Variants in HNRNPLL observed in about 807,000 individuals in gnomAD.
The protein encoded by HNRNPLL is heterogeneous nuclear ribonucleoprotein L like, also known as heterogeneous nuclear ribonucleoprotein L-like.
In HNRNPLL, 25 loss-of-function variants were observed where a neutral mutation model predicts 67.1. That is an observed-to-expected ratio of 0.37 (90% CI 0.27 to 0.52). HNRNPLL has a LOEUF of 0.52. Ranked by LOEUF, HNRNPLL falls within the 20% of genes least tolerant of loss-of-function variation. HNRNPLL has a pLI of 0.90. For synonymous variants in HNRNPLL, 267 were observed against 241.7 expected (o/e 1.10, Z -0.97); for missense variants, 542 against 673.9 (o/e 0.80, Z 2.17).
At chr2:38,601,439 A>G (rs765650434) in intron 1 of HNRNPLL, among the ~76,000 whole-genome samples, 5 of 152,360 alleles carry the variant, frequency 3.3e-5, no homozygotes, top group Non-Finnish European at 5.9e-5. Context: ...TAAAGTTTGC[A>G]GAATTAATCA....
intron 6 of HNRNPLL, chr2:38,581,406 T>C (rs1464730904): frequency 6.3e-6 from 1 of 158,574 alleles, no homozygotes; most frequent in Non-Finnish European, 1.4e-5. Context: ...AAACTTGGGG[T>C]GATGGTGCAT....
chr2:38,599,975 T>C, intron 1 of HNRNPLL: 1 of 459,644 alleles, frequency 2.2e-6, no homozygotes, highest in Non-Finnish European at 4.5e-6. Flanking sequence ...TGCAAAACCC[T>C]TTTCGGTTAC....
At chr2:38,570,911 G>A (rs534232390) in intron 8 of HNRNPLL, among the ~76,000 whole-genome samples, 8 of 152,146 alleles carry the variant, frequency 5.3e-5, no homozygotes, top group Non-Finnish European at 1.2e-4. Context: ...AGCTGGGCAT[G>A]GTGGCATGCA....
intron 1 of HNRNPLL, among the ~76,000 whole-genome samples, chr2:38,599,116 G>A (rs932206429): frequency 3.3e-5 from 5 of 152,182 alleles, no homozygotes; most frequent in African/African-American, 4.8e-5. Context: ...AGTGTATCCT[G>A]AATTCAAACT....
chr2:38,583,128 T>C (rs983492515), intron 4 of HNRNPLL, among the ~76,000 whole-genome samples: 8 of 152,154 alleles, frequency 5.3e-5, no homozygotes, highest in Admixed American at 3.9e-4. Flanking sequence ...TGAGAAGGCA[T>C]AGTTTTATAA....
In HNRNPLL at chr2:38,569,321, G is replaced by A. The variant is rs768814425; in HGVS notation, c.1228C>T (p.His410Tyr). The A allele has an allele frequency of 3.1e-6, 5 of 1,610,276 alleles. No individual in the cohort carries two copies. The African/African-American group carries it at 6.7e-5, about 22-fold the overall frequency. Reference protein sequence around the residue: ...KRLNVCVSKQHSVVPSQIFEL... With the variant: ...KRLNVCVSKQYSVVPSQIFEL... The stretch of plus-strand genomic sequence containing the variant: ...AATATTTGACTTGGAACAACTGAAT[G>A]TTGTTTAGACACGCTAAAGATTGTA... Residue 410 changes from histidine (H) to tyrosine (Y), a missense_variant, in exon 10 of 13, where the codon CAT becomes TAT. By Grantham distance (83) the His-to-Tyr change is moderately conservative (BLOSUM62 2). Around this residue, in one of 2 missense-constraint regions of HNRNPLL, gnomAD observed 415 missense variants for 575.2 expected, o/e 0.72. Coordinates refer to ENST00000449105, the MANE Select transcript of HNRNPLL (RefSeq NM_138394.4).
Position 38,583,890 on chromosome 2 carries a change from CT to C in HNRNPLL, c.582del (p.Val195CysfsTer43). ...VLYTVCNPVGKVQRIVIFKRN... is the reference protein window; with the variant it reads ...VLYTVCNPVGXVQRIVIFKRN... ...CTCTTGAATATAACAATACGTTGCACTTTGCCAACAGGGTTGCATACAGTAT... is the reference window on the plus strand; with the variant it reads ...CTCTTGAATATAACAATACGTTGCACTTGCCAACAGGGTTGCATACAGTAT... On this transcript the variant is annotated frameshift_variant, in exon 4 of 13. Transcript: ENST00000449105. LOFTEE classifies it high-confidence loss of function. 1 of 1,574,470 alleles carries C rather than the reference CT, an allele frequency of 6.4e-7. No individual in the cohort carries two copies.
chr2:38,587,328 T>A (rs1666773737), intron 2 of HNRNPLL, among the ~76,000 whole-genome samples: 1 of 152,228 alleles, frequency 6.6e-6, no homozygotes, highest in Non-Finnish European at 1.5e-5. Flanking sequence ...TTGCACATTG[T>A]ACACCCTCAA....
chr2:38,582,032 A>G, intron 5 of HNRNPLL, 40 bp downstream of exon 5: 1 of 1,599,702 alleles, frequency 6.3e-7, no homozygotes, highest in Non-Finnish European at 8.6e-7. Context: ...TATCCAAAGC[A>G]TAAATATTTC....
chr2:38,584,129 A>G (rs572050147), intron 3 of HNRNPLL, among the ~76,000 whole-genome samples: 1 of 152,290 alleles, frequency 6.6e-6, no homozygotes, highest in African/African-American at 2.4e-5. Flanking sequence ...TGGCACGATC[A>G]CAGTTCCCTA....
Position 38,602,460 on chromosome 2 carries a change from C to CCGCCGCCGCCAT in HNRNPLL, c.155_166dup (p.Asp52_Gly55dup). 6.5e-7 allele frequency: 1 copy of CCGCCGCCGCCAT among 1,538,804 alleles called. No individual in the cohort carries two copies. Among genetic ancestry groups the CCGCCGCCGCCAT allele is most frequent in the Non-Finnish European group, 8.7e-7 (1 of 1,147,500 alleles). On this transcript the variant is annotated inframe_insertion, in exon 1 of 13. Transcript: ENST00000449105. The stretch of plus-strand genomic sequence containing the variant: ...TACCGGCTGAGAGAAGCTCCGGCCG[C>CCGCCGCCGCCAT]CGCCGCCGCCATCGCCCCCGCCCCG...
Position 38,573,140 on chromosome 2 carries a change from A to G in HNRNPLL, c.1092+70T>C, listed in dbSNP as rs900012009. ...TATTCCTGATACAAGGAGAAGACAC[A>G]TATTTGCAGCCTTTTCAGAGTTACC... On this transcript the variant is annotated intron_variant, in intron 8 of 12. Coordinates refer to ENST00000449105, the MANE Select transcript of HNRNPLL (RefSeq NM_138394.4). 2.3e-5 allele frequency: 23 copies of G among 992,044 alleles called. No homozygotes were observed. The Admixed American group carries it at 3.1e-4, about 13-fold the overall frequency. The allele number at this position is 992,044 out of a possible 1,614,324, so 61.5% of individuals were successfully genotyped here.
chr2:38,585,535 A>G, intron 3 of HNRNPLL, 109 bp downstream of exon 3: 1 of 660,494 alleles, frequency 1.5e-6, no homozygotes, highest in Non-Finnish European at 2.7e-6. Context: ...CAAAATTAAA[A>G]AAACTATTTT....
At chr2:38,595,084 G>C (rs2148383833) in intron 1 of HNRNPLL, among the ~76,000 whole-genome samples, 1 of 151,408 alleles carries the variant, frequency 6.6e-6, no homozygotes, top group East Asian at 2.0e-4. Flanking sequence ...TTTGAGACTA[G>C]CCTGGGCAAC....
At chr2:38,579,169 G>A (rs1307887889) in intron 6 of HNRNPLL, among the ~76,000 whole-genome samples, 1 of 152,050 alleles carries the variant, frequency 6.6e-6, no homozygotes, top group African/African-American at 2.4e-5. Flanking sequence ...GAACTGGGTT[G>A]GGAATCAGAC....
chr2:38,594,121 G>C (rs957604991), intron 1 of HNRNPLL, among the ~76,000 whole-genome samples: 2 of 152,040 alleles, frequency 1.3e-5, no homozygotes, highest in African/African-American at 4.8e-5. Context: ...CTTGCAGTGA[G>C]CCGAGATTGC....
At chr2:38,578,654 T>A (rs1284466013) in intron 6 of HNRNPLL, among the ~76,000 whole-genome samples, 1 of 152,086 alleles carries the variant, frequency 6.6e-6, no homozygotes, top group Non-Finnish European at 1.5e-5. Context: ...TTTTACTCAA[T>A]GTAAAAATTC....
At chr2:38,586,234 G>A (rs1239524119) in intron 2 of HNRNPLL, among the ~76,000 whole-genome samples, 1 of 152,110 alleles carries the variant, frequency 6.6e-6, no homozygotes, top group Non-Finnish European at 1.5e-5. Context: ...TGTTAGCCAG[G>A]ATGGTCTCGA....
chr2:38,579,852 A>G (rs1666452313), intron 6 of HNRNPLL, among the ~76,000 whole-genome samples: 1 of 152,192 alleles, frequency 6.6e-6, no homozygotes, highest in Admixed American at 6.5e-5. Context: ...TACAGAAACA[A>G]AAACATAAAC....
Sources: gnomAD v4.1 joint callset for allele counts (sites outside exome capture counted in the v4.1 genomes callset) on GRCh38, gnomAD v4.1.1 for gene constraint, gnomAD v4.1.1 regional missense constraint, MANE v1.5 for transcripts, NCBI Gene and HGNC (gene_info 2026-07-23, HGNC 2026-07-21) for gene names.